OXCT1: variants seen among roughly 807,000 people sequenced by gnomAD.
OXCT1 encodes 3-oxoacid CoA-transferase 1.
Under a neutral mutation model 69.6 loss-of-function variants are expected in OXCT1, and 27 were observed. That is an observed-to-expected ratio of 0.39 (90% CI 0.29 to 0.54). OXCT1 has a LOEUF of 0.54. Ranked by LOEUF, OXCT1 falls within the 20% of genes least tolerant of loss-of-function variation. The probability of loss-of-function intolerance (pLI) is 0.72; values close to 1 mark genes in which losing one functional copy is unlikely to be tolerated. For synonymous variants in OXCT1, 202 were observed against 217.8 expected (o/e 0.93, Z 0.64); for missense variants, 437 against 650.2 (o/e 0.67, Z 3.57).
At chr5:41,780,967 G>A (rs1561070792) in intron 13 of OXCT1, among the ~76,000 whole-genome samples, 1 of 151,350 alleles carries the variant, frequency 6.6e-6, no homozygotes. Flanking sequence ...GCAGTGGCGC[G>A]ATCTTGGCTC....
rs3050894 is a variant in OXCT1 at position 41,859,864 on chromosome 5, A to AATATATATATATATATATATAT, written c.278+1428_278+1449dup. On this transcript the variant is annotated intron_variant, in intron 3 of 16. Transcript: ENST00000196371. Reference sequence around the variant, plus strand: ...AACTATTATACCTGACTAGTATAGTAATATATATATATATATATATATGTA... The same window carrying AATATATATATATATATATATAT: ...AACTATTATACCTGACTAGTATAGTAATATATATATATATATATATATATATATATATATATATATATATGTA... Among the ~76,000 whole-genome samples the AATATATATATATATATATATAT allele has an allele frequency of 3.0e-3, 363 of 119,754 alleles. 2 individuals are homozygous for AATATATATATATATATATATAT. The highest frequency in any genetic ancestry group is 0.015 in the Middle Eastern group (3 of 202). 78.6% of individuals were successfully genotyped at this position (119,754 alleles called of 152,430 possible).
At chr5:41,761,455 T>C (rs1744342315) in intron 14 of OXCT1, among the ~76,000 whole-genome samples, 1 of 152,082 alleles carries the variant, frequency 6.6e-6, no homozygotes, top group Non-Finnish European at 1.5e-5. Flanking sequence ...GCTATTATTA[T>C]TGCAATGTGA....
intron 7 of OXCT1, 93 bp downstream of exon 7, chr5:41,840,358 C>A: frequency 1.1e-6 from 1 of 932,212 alleles, no homozygotes; most frequent in South Asian, 1.4e-5. Context: ...CATTGTTATC[C>A]ATAAAACAAA....
chr5:41,746,248 T>C (rs1352874121), intron 15 of OXCT1, among the ~76,000 whole-genome samples: 1 of 152,116 alleles, frequency 6.6e-6, no homozygotes, highest in Admixed American at 6.6e-5. Flanking sequence ...TGGTTCAACA[T>C]ATGCAAATCA....
chr5:41,759,782 C>T (rs931388830), intron 14 of OXCT1, among the ~76,000 whole-genome samples: 3 of 151,914 alleles, frequency 2.0e-5, no homozygotes, highest in Admixed American at 6.6e-5. Flanking sequence ...TAGCCCTACC[C>T]GAAAACCAGT....
intron 9 of OXCT1, among the ~76,000 whole-genome samples, chr5:41,805,103 T>C (rs1746609485): frequency 1.3e-5 from 2 of 152,044 alleles, no homozygotes. Flanking sequence ...CATAAAATAT[T>C]AGATATAACA....
At chr5:41,751,409 T>C (rs527792092) in intron 14 of OXCT1, among the ~76,000 whole-genome samples, 2 of 152,166 alleles carry the variant, frequency 1.3e-5, no homozygotes, top group Non-Finnish European at 2.9e-5. Flanking sequence ...CAGAATTGGC[T>C]GTGCCCTACC....
chr5:41,766,578 A>C (rs1744612525), intron 13 of OXCT1, among the ~76,000 whole-genome samples: 1 of 151,716 alleles, frequency 6.6e-6, no homozygotes, highest in Admixed American at 6.6e-5. Flanking sequence ...CAAAAAAAAA[A>C]AAAAACAACA....
chr5:41,752,772 A>C (rs1381582460), intron 14 of OXCT1, among the ~76,000 whole-genome samples: 1 of 151,968 alleles, frequency 6.6e-6, no homozygotes, highest in Non-Finnish European at 1.5e-5. Context: ...CAAACAAAAA[A>C]AACTGACTAG....
intron 7 of OXCT1, among the ~76,000 whole-genome samples, chr5:41,821,223 T>A (rs1296695034): frequency 1.3e-5 from 2 of 151,934 alleles, no homozygotes; most frequent in Admixed American, 1.3e-4. Context: ...AGTATTGTTT[T>A]TATCTACACA....
chr5:41,843,706 G>A, intron 5 of OXCT1: 1 of 346,446 alleles, frequency 2.9e-6, no homozygotes, highest in Non-Finnish European at 5.9e-6. Flanking sequence ...GCACCCCCTA[G>A]TGGAAAAACA....
chr5:41,866,197 T>C (rs1158417213), intron 1 of OXCT1, among the ~76,000 whole-genome samples: 1 of 152,176 alleles, frequency 6.6e-6, no homozygotes, highest in African/African-American at 2.4e-5. Flanking sequence ...TAAGACCAAC[T>C]TGTCATTTAT....
At chr5:41,831,907 TC>T (rs1748115576) in intron 7 of OXCT1, among the ~76,000 whole-genome samples, 1 of 152,216 alleles carries the variant, frequency 6.6e-6, no homozygotes, top group Admixed American at 6.5e-5. Context: ...ACACTACATG[TC>T]TGCTTGGCAG....
chr5:41,745,915 A>G (rs964226243), intron 15 of OXCT1, among the ~76,000 whole-genome samples: 1 of 152,160 alleles, frequency 6.6e-6, no homozygotes, highest in Non-Finnish European at 1.5e-5. Flanking sequence ...TTAATGGCTT[A>G]CCAACCAAAA....
intron 7 of OXCT1, among the ~76,000 whole-genome samples, chr5:41,824,878 C>T (rs920740966): frequency 6.6e-6 from 1 of 152,112 alleles, no homozygotes; most frequent in Non-Finnish European, 1.5e-5. Flanking sequence ...TTGGTAATAA[C>T]GATGAAATTT....
At chr5:41,855,277 G>A (rs538974077) in intron 3 of OXCT1, among the ~76,000 whole-genome samples, 4 of 152,294 alleles carry the variant, frequency 2.6e-5, no homozygotes, top group South Asian at 4.1e-4. Flanking sequence ...AGAGAACAGC[G>A]ACTGGAAGGA....
intron 8 of OXCT1, 81 bp from the exon 9 acceptor site, chr5:41,805,762 A>G: frequency 1.1e-6 from 1 of 900,072 alleles, no homozygotes; most frequent in Non-Finnish European, 1.9e-6. Flanking sequence ...TTTTACTGGA[A>G]AAAAAGATGA....
At chr5:41,809,758 A>G (rs1461991080) in intron 7 of OXCT1, among the ~76,000 whole-genome samples, 2 of 152,090 alleles carry the variant, frequency 1.3e-5, no homozygotes, top group African/African-American at 2.4e-5. Flanking sequence ...AAATCAAGAC[A>G]AAGCTTCATT....
intron 4 of OXCT1, among the ~76,000 whole-genome samples, chr5:41,852,397 T>C (rs1749219463): frequency 6.6e-6 from 1 of 152,164 alleles, no homozygotes; most frequent in Non-Finnish European, 1.5e-5. Context: ...ATCTACTAAA[T>C]TATGTTATTA....
Sources: allele counts gnomAD v4.1 joint callset (sites outside exome capture counted in the v4.1 genomes callset), GRCh38; gene constraint gnomAD v4.1.1; transcripts MANE v1.5; gene names NCBI Gene and HGNC (gene_info 2026-07-23, HGNC 2026-07-21).